Variants in RXYLT1 observed in about 807,000 individuals in gnomAD.
The protein encoded by RXYLT1 is ribitol-5-phosphate xylosyltransferase 1.
RXYLT1 carries 41 observed loss-of-function variants against 43.5 expected under a neutral mutation model. The observed-to-expected ratio is 0.94, with a 90% CI of 0.73 to 1.22. The LOEUF is 1.22. Ranked by LOEUF, RXYLT1 falls within the 50% of genes most tolerant of loss-of-function variation. The pLI, the probability that RXYLT1 is intolerant of heterozygous loss-of-function variation, is 0.00. For synonymous variants in RXYLT1, 166 were observed against 194.4 expected, an observed-to-expected ratio of 0.85 and a Z score of 1.21; for missense variants, 514 against 532.0, an observed-to-expected ratio of 0.97 and a Z score of 0.33.
At chr12:63,780,170 TGGCTGGGGCTGCTGGGC>T in intron 1 of RXYLT1, 41 bp downstream of exon 1, 1 of 1,414,054 alleles carries the variant, frequency 7.1e-7, no homozygotes, top group Non-Finnish European at 9.1e-7. Context: ...TCTGCGCTCC[TGGCTGGGGCTGCTGGGC>T]GGCTGGGGCC....
At chr12:63,802,652 A>G (rs567958431) in intron 4 of RXYLT1, among the ~76,000 whole-genome samples, 1 of 152,242 alleles carries the variant, frequency 6.6e-6, no homozygotes, top group South Asian at 2.1e-4. Flanking sequence ...AAGGCATAGA[A>G]TGGATTTTTC....
chr12:63,807,997 T>G (rs578150119), intron 5 of RXYLT1: 26 of 152,868 alleles, frequency 1.7e-4, no homozygotes, highest in African/African-American at 5.8e-4. Flanking sequence ...GCCTGCATGA[T>G]AGAGTCCCGT....
Sources: allele counts gnomAD v4.1 joint callset (sites outside exome capture counted in the v4.1 genomes callset), GRCh38; gene constraint gnomAD v4.1.1; transcripts MANE v1.5; gene names NCBI Gene and HGNC (gene_info 2026-07-23, HGNC 2026-07-21).